Variants in DDX52 observed in about 807,000 individuals in gnomAD.
The protein encoded by DDX52 is probable ATP-dependent RNA helicase DDX52.
In DDX52, 59 loss-of-function variants were observed where a neutral mutation model predicts 76.1. The ratio of observed to expected loss-of-function variants is 0.78; its 90% confidence interval spans 0.63 to 0.96. The LOEUF (loss-of-function observed/expected upper bound fraction) is 0.96. Among genes scored for constraint, DDX52 ranks in the 40% least tolerant of loss-of-function variants. DDX52 has a pLI of 0.00. For missense variants in DDX52, 707 were observed against 703.9 expected (o/e 1.00, Z -0.05); for synonymous variants, 231 against 244.1 (o/e 0.95, Z 0.50).
chr17:37,620,745 G>T, intron 12 of DDX52, 128 bp downstream of exon 12: 2 of 818,804 alleles, frequency 2.4e-6, no homozygotes, highest in Non-Finnish European at 3.5e-6. Flanking sequence ...GCTAAAATTT[G>T]GTCAACTAAC....
chr17:37,630,673 ACT>A (rs2030638331), intron 4 of DDX52: 1 of 139,088 alleles, frequency 7.2e-6, no homozygotes, highest in South Asian at 2.2e-4. Context: ...ACAGAGTCTC[ACT>A]CTGTCACCCA....
At position 37,624,418 on chromosome 17, in the gene DDX52, T is replaced by C. The variant is rs758584885; in HGVS notation, c.1153A>G (p.Thr385Ala). 3.1e-6 allele frequency: 5 copies of C among 1,603,344 alleles called. No homozygotes were observed. Among genetic ancestry groups the C allele is most frequent in the Non-Finnish European group, 4.3e-6 (5 of 1,173,220 alleles). Residue 385 changes from threonine to alanine, a missense_variant, in exon 9 of 15, where the codon ACT (threonine) becomes GCT (alanine). Coordinates refer to ENST00000617633, the MANE Select transcript of DDX52 (RefSeq NM_007010.5). ...ACAAAGAGAAGCTCTTGTTCTACAG[T>C]TTCTACTGCAGAATTCCTGGGAAGA... ...SIGARNSAVE[T>A]VEQELLFVGS...
intron 11 of DDX52, 43 bp from the exon 12 acceptor site, chr17:37,620,991 G>A: frequency 1.3e-6 from 2 of 1,567,340 alleles, no homozygotes; most frequent in Non-Finnish European, 1.7e-6. Flanking sequence ...TTGGGGGGAA[G>A]GAGGCTCTCA....
chr17:37,626,675 A>T, intron 7 of DDX52, 113 bp downstream of exon 7: 1 of 990,316 alleles, frequency 1.0e-6, no homozygotes, highest in Non-Finnish European at 1.6e-6. Flanking sequence ...GCCAACACTG[A>T]CTGAAGGTGG....
intron 6 of DDX52, 128 bp downstream of exon 6, chr17:37,628,433 G>A: frequency 1.4e-6 from 1 of 730,484 alleles, no homozygotes; most frequent in East Asian, 2.8e-5. Flanking sequence ...GATCGCTTTA[G>A]TTCTTCTAAA....
At chr17:37,635,945 T>C (rs943076860) in intron 2 of DDX52, among the ~76,000 whole-genome samples, 1 of 152,194 alleles carries the variant, frequency 6.6e-6, no homozygotes, top group African/African-American at 2.4e-5. Flanking sequence ...TGGCTACTGA[T>C]GTTGAGTATC....
chr17:37,618,456 G>T, intron 13 of DDX52, 72 bp from the exon 14 acceptor site: 2 of 1,253,644 alleles, frequency 1.6e-6, no homozygotes, highest in Non-Finnish European at 2.2e-6. Flanking sequence ...GCTAAAATTA[G>T]TTTTGATCCT....
At position 37,643,429 on chromosome 17, in the gene DDX52, A is replaced by C; in HGVS notation, c.-9T>G. The C allele has an allele frequency of 6.2e-7, 1 of 1,613,664 alleles. No individual in the cohort carries two copies. The highest frequency in any genetic ancestry group is 8.5e-7 in the Non-Finnish European group (1 of 1,179,822). On this transcript the variant is annotated 5_prime_UTR_variant, in exon 1 of 15. Transcript: ENST00000617633. ...AGATCGTGGACGTCCATCTTTACCC[A>C]GAAAGCGCCACAGTTCTACGGCGCC... is the stretch of plus-strand genomic sequence containing the variant.
intron 4 of DDX52, 27 bp from the exon 5 acceptor site, chr17:37,630,200 T>G: frequency 5.2e-6 from 8 of 1,549,842 alleles, no homozygotes; most frequent in Non-Finnish European, 6.9e-6. Flanking sequence ...TATTAAATAC[T>G]ACAAAGAAAG....
At chr17:37,618,720 C>T (rs1410632855) in intron 13 of DDX52, among the ~76,000 whole-genome samples, 3 of 152,160 alleles carry the variant, frequency 2.0e-5, no homozygotes, top group African/African-American at 4.8e-5. Context: ...CTCCCGACCT[C>T]AGGTCCCGCC....
chr17:37,625,970 G>T lies in DDX52; in HGVS notation c.1061C>A (p.Ala354Glu). Residue 354 changes from alanine to glutamate, a missense_variant, in exon 8 of 15, where the codon GCA becomes GAA. By Grantham distance (107) the Ala-to-Glu change is moderately radical. Coordinates refer to ENST00000617633, the MANE Select transcript of DDX52 (RefSeq NM_007010.5). ...SHKVRRAMFS[A>E]TFAYDVEQWC... ...CTGTTCAACATCATATGCAAAAGTT[G>T]CACTGAACATAGCTCTTCGGACCTT... is the stretch of plus-strand genomic sequence containing the variant. The T allele has an allele frequency of 1.2e-6, 2 of 1,614,204 alleles. No homozygotes were observed. Among genetic ancestry groups the T allele is most frequent in the Non-Finnish European group, 1.7e-6 (2 of 1,180,040 alleles).
At chr17:37,618,423 C>T in intron 13 of DDX52, 39 bp from the exon 14 acceptor site, 7 of 1,483,892 alleles carry the variant, frequency 4.7e-6, no homozygotes, top group Non-Finnish European at 6.4e-6. Context: ...GAATTAAGTG[C>T]AACTTCAATT....
At chr17:37,619,882 A>G (rs2029992953) in intron 12 of DDX52, 43 bp from the exon 13 acceptor site, 1 of 1,590,542 alleles carries the variant, frequency 6.3e-7, no homozygotes, top group Non-Finnish European at 8.6e-7. Flanking sequence ...TCTTTGCTAA[A>G]TTGATGTTTA....
At chr17:37,626,164 G>T in intron 7 of DDX52, 66 bp from the exon 8 acceptor site, 1 of 1,544,464 alleles carries the variant, frequency 6.5e-7, no homozygotes, top group South Asian at 1.1e-5. Context: ...ACTAAACTGT[G>T]GGGACAGTGG....
chr17:37,617,131 T>C (rs1283110789), intron 14 of DDX52, among the ~76,000 whole-genome samples: 1 of 152,264 alleles, frequency 6.6e-6, no homozygotes, highest in African/African-American at 2.4e-5. Flanking sequence ...TCATTTTATA[T>C]TCATTTGTAT....
intron 2 of DDX52, among the ~76,000 whole-genome samples, chr17:37,635,141 T>G (rs2030867856): frequency 6.6e-6 from 1 of 152,044 alleles, no homozygotes; most frequent in Non-Finnish European, 1.5e-5. Context: ...AGACTAGTTC[T>G]ACAAAGCAAA....
chr17:37,619,639 G>A (rs1029602695), intron 13 of DDX52, 129 bp downstream of exon 13: 15 of 739,916 alleles, frequency 2.0e-5, no homozygotes, highest in Non-Finnish European at 3.3e-5. Flanking sequence ...TTGAGCCTAG[G>A]AGATCAAGAC....
At chr17:37,627,899 C>A (rs1028452225) in intron 6 of DDX52, among the ~76,000 whole-genome samples, 3 of 151,898 alleles carry the variant, frequency 2.0e-5, no homozygotes, top group Admixed American at 6.6e-5. Context: ...TCCCAAGTAG[C>A]TAGGACTACA....
intron 14 of DDX52, among the ~76,000 whole-genome samples, chr17:37,615,823 G>A (rs2064418282): frequency 1.3e-5 from 2 of 152,072 alleles, no homozygotes; most frequent in Admixed American, 6.5e-5. Context: ...AGACCACCCT[G>A]GCCAACATGG....
Sources: gnomAD v4.1 joint callset for allele counts (sites outside exome capture counted in the v4.1 genomes callset) on GRCh38, gnomAD v4.1.1 for gene constraint, MANE v1.5 for transcripts, NCBI Gene and HGNC (gene_info 2026-07-23, HGNC 2026-07-21) for gene names.